UBAC2: variants seen among roughly 807,000 people sequenced by gnomAD.
UBAC2 encodes ubiquitin-associated domain-containing protein 2.
In UBAC2, 26 loss-of-function variants were observed where a neutral mutation model predicts 44.0. The observed-to-expected ratio is 0.59, with a 90% CI of 0.43 to 0.82. The LOEUF is 0.82. Among genes scored for constraint, UBAC2 ranks in the 40% least tolerant of loss-of-function variants. The pLI, the probability that UBAC2 is intolerant of heterozygous loss-of-function variation, is 0.00. For synonymous variants in UBAC2, 155 were observed against 154.3 expected (o/e 1.00, Z -0.04); for missense variants, 329 against 419.4 (o/e 0.78, Z 1.88).
intron 4 of UBAC2, among the ~76,000 whole-genome samples, chr13:99,292,363 C>A (rs1232093082): frequency 6.6e-6 from 1 of 151,724 alleles, no homozygotes; most frequent in African/African-American, 2.4e-5. Context: ...AGGATGGTCT[C>A]AATCTCCTGA....
rs1441572467 is a variant in UBAC2, at chr13:99,223,525, CTTCT to C, written c.32-14897_32-14894del. ...CTGCTTGCTTAGGTTTTAATTTGCT[CTTCT>C]TTCTCTTTTTCTGTTTTTTTTTTTT... On this transcript the variant is annotated intron_variant, in intron 1 of 8. Transcript: ENST00000403766. 3.0e-4 allele frequency among the ~76,000 whole-genome samples: 31 copies of C among 104,748 alleles called. No homozygotes were observed. In the South Asian group the frequency reaches 9.6e-3, roughly 32 times the overall value. The allele number at this position is 104,748 out of a possible 152,430, so 68.7% of individuals were successfully genotyped here.
intron 4 of UBAC2, among the ~76,000 whole-genome samples, chr13:99,275,951 T>C (rs1324810849): frequency 6.6e-6 from 1 of 152,216 alleles, no homozygotes; most frequent in Non-Finnish European, 1.5e-5. Flanking sequence ...CAGATCATAC[T>C]CTCCACTCTA....
At chr13:99,251,877 AAAG>A (rs2142755734) in intron 4 of UBAC2, among the ~76,000 whole-genome samples, 1 of 152,302 alleles carries the variant, frequency 6.6e-6, no homozygotes, top group African/African-American at 2.4e-5. Flanking sequence ...ACCGAGAATT[AAAG>A]AAGGTCTCTT....
intron 7 of UBAC2, among the ~76,000 whole-genome samples, chr13:99,360,489 G>A (rs1325331785): frequency 6.6e-6 from 1 of 152,186 alleles, no homozygotes; most frequent in Non-Finnish European, 1.5e-5. Context: ...AAGAGGCAGA[G>A]CTGGGATTTG....
intron 7 of UBAC2, among the ~76,000 whole-genome samples, chr13:99,349,397 T>C (rs758896142): frequency 6.6e-6 from 1 of 152,126 alleles, no homozygotes; most frequent in Non-Finnish European, 1.5e-5. Flanking sequence ...GAGATGAGAT[T>C]GTAATAAATA....
At chr13:99,262,794 A>G (rs765449556) in intron 4 of UBAC2, among the ~76,000 whole-genome samples, 22 of 151,014 alleles carry the variant, frequency 1.5e-4, no homozygotes, top group Non-Finnish European at 2.7e-4. Context: ...ATTTAAACAT[A>G]AACCTATATA....
chr13:99,255,570 T>G (rs774352675), intron 4 of UBAC2: 3 of 1,614,018 alleles, frequency 1.9e-6, no homozygotes, highest in African/African-American at 2.7e-5. Context: ...GGTAAAACAC[T>G]GTGAGAGCTC....
intron 7 of UBAC2, among the ~76,000 whole-genome samples, chr13:99,361,344 G>C (rs1451418889): frequency 6.6e-6 from 1 of 152,130 alleles, no homozygotes; most frequent in Non-Finnish European, 1.5e-5. Flanking sequence ...TTAACCCTAC[G>C]TAAAGAGCAG....
chr13:99,297,990 A>G (rs2138723546), intron 4 of UBAC2, among the ~76,000 whole-genome samples: 1 of 152,260 alleles, frequency 6.6e-6, no homozygotes, highest in Non-Finnish European at 1.5e-5. Context: ...TATTAATAGG[A>G]ATACAGAGGG....
At chr13:99,255,418 G>A (rs376476131) in intron 4 of UBAC2, 68 of 1,613,954 alleles carry the variant, frequency 4.2e-5, no homozygotes, top group Non-Finnish European at 5.3e-5. Context: ...AGGGGTGGTC[G>A]TGGTCAGGGT....
At chr13:99,384,104 C>T (rs1245820673) in intron 8 of UBAC2, among the ~76,000 whole-genome samples, 1 of 143,586 alleles carries the variant, frequency 7.0e-6, no homozygotes, top group Non-Finnish European at 1.6e-5. Context: ...CCCACTGAGT[C>T]CCCTGAGCAG....
intron 4 of UBAC2, among the ~76,000 whole-genome samples, chr13:99,257,373 TG>T (rs1172033968): frequency 1.3e-5 from 2 of 152,218 alleles, no homozygotes; most frequent in Admixed American, 6.5e-5. Context: ...AATGAAATTT[TG>T]TATTTGTTTT....
intron 5 of UBAC2, among the ~76,000 whole-genome samples, chr13:99,315,728 T>C (rs1240308913): frequency 6.6e-6 from 1 of 152,150 alleles, no homozygotes; most frequent in East Asian, 1.9e-4. Flanking sequence ...AAGAGTTAAG[T>C]CAATTGGTTA....
intron 5 of UBAC2, 98 bp downstream of exon 5, chr13:99,314,318 T>A: frequency 1.5e-6 from 2 of 1,376,838 alleles, no homozygotes; most frequent in South Asian, 3.1e-5. Context: ...AAACAATGGT[T>A]TTTTTCCCCC....
At chr13:99,312,513 C>T (rs2044425616) in intron 4 of UBAC2, among the ~76,000 whole-genome samples, 1 of 152,194 alleles carries the variant, frequency 6.6e-6, no homozygotes, top group African/African-American at 2.4e-5. Context: ...AGGACTGCTT[C>T]TTTCTCTTGG....
chr13:99,254,619 AAC>A (rs1418420416), intron 4 of UBAC2: 3 of 316,500 alleles, frequency 9.5e-6, no homozygotes, highest in East Asian at 1.2e-4. Flanking sequence ...TGACTTGATT[AAC>A]ACACATGTGT....
chr13:99,330,514 T>C (rs1188843170), intron 6 of UBAC2, among the ~76,000 whole-genome samples: 1 of 149,810 alleles, frequency 6.7e-6, no homozygotes, highest in Non-Finnish European at 1.5e-5. Flanking sequence ...TCTTGTGTCC[T>C]GCAACTTTTC....
intron 7 of UBAC2, among the ~76,000 whole-genome samples, chr13:99,353,808 A>G (rs1034350320): frequency 1.3e-5 from 2 of 152,182 alleles, no homozygotes; most frequent in Non-Finnish European, 2.9e-5. Flanking sequence ...AGTACCCATG[A>G]GCATCTCAGG....
At chr13:99,314,252 T>C in intron 5 of UBAC2, 32 bp downstream of exon 5, 4 of 1,527,338 alleles carry the variant, frequency 2.6e-6, no homozygotes, top group Non-Finnish European at 3.5e-6. Flanking sequence ...TCACTTTTCT[T>C]TAACCAGATC....
Sources: allele counts gnomAD v4.1 joint callset (sites outside exome capture counted in the v4.1 genomes callset), GRCh38; gene constraint gnomAD v4.1.1; transcripts MANE v1.5; gene names NCBI Gene and HGNC (gene_info 2026-07-23, HGNC 2026-07-21).